NPC1: variants seen among roughly 807,000 people sequenced by gnomAD.
NPC1 encodes Niemann-Pick C1 protein.
In NPC1, 85 loss-of-function variants were observed where a neutral mutation model predicts 140.4. The observed-to-expected ratio is 0.61, with a 90% confidence interval of 0.51 to 0.72. NPC1 has a LOEUF of 0.72. NPC1 is among the 30% of genes least tolerant of loss of function. The probability of loss-of-function intolerance (pLI) is 0.00; values close to 1 mark genes in which losing one functional copy is unlikely to be tolerated. For synonymous variants in NPC1, 656 were observed against 624.8 expected (o/e 1.05, Z -0.74); for missense variants, 1,504 against 1,623.8 (o/e 0.93, Z 1.27).
At chr18:23,539,139 G>A (rs2058675359) in intron 19 of NPC1, among the ~76,000 whole-genome samples, 1 of 152,170 alleles carries the variant, frequency 6.6e-6, no homozygotes, top group Non-Finnish European at 1.5e-5. Flanking sequence ...CCGAACATGT[G>A]GACCTTGTTC....
rs1267878757 is a variant in NPC1 at position 23,515,829 on chromosome 18, G to T, written c.432-9187C>A. On this transcript the variant is annotated intron_variant, in intron 3 of 3. Coordinates refer to the NPC1 transcript ENST00000591107. ...ATTAGTTTGCCGTTTTTTAAATGAA[G>T]ATCCTGTTTCTTAAACTCTGCTTCA... 4.3e-6 allele frequency: 7 copies of T among 1,613,246 alleles called. No homozygotes were observed. In the South Asian group the frequency reaches 6.6e-5, roughly 15 times the overall value.
chr18:23,549,511 T>C (rs1356828701), intron 10 of NPC1, among the ~76,000 whole-genome samples: 1 of 152,022 alleles, frequency 6.6e-6, no homozygotes, highest in Admixed American at 6.6e-5. Context: ...TGGTGATACA[T>C]GCCTGTAATC....
At chr18:23,584,005 C>G (rs544471356) in intron 1 of NPC1, among the ~76,000 whole-genome samples, 1 of 152,302 alleles carries the variant, frequency 6.6e-6, no homozygotes, top group African/African-American at 2.4e-5. Flanking sequence ...TCTACCCAGG[C>G]TTCTCTATGT....
chr18:23,577,913 T>C (rs1351427129), intron 1 of NPC1, among the ~76,000 whole-genome samples: 3 of 152,214 alleles, frequency 2.0e-5, no homozygotes, highest in Non-Finnish European at 2.9e-5. Context: ...CAGGGCTGGC[T>C]GGCTGCTCCG....
chr18:23,509,356 A>AATAT (rs10688887), intron 3 of NPC1: 26 of 428,542 alleles, frequency 6.1e-5, no homozygotes, highest in East Asian at 4.8e-4. Flanking sequence ...TTCAGTACTG[A>AATAT]ATATATATAT....
At chr18:23,579,808 C>T (rs1172581744) in intron 1 of NPC1, among the ~76,000 whole-genome samples, 1 of 151,952 alleles carries the variant, frequency 6.6e-6, no homozygotes, top group East Asian at 1.9e-4. Context: ...TGGCGTGAAC[C>T]CGGGAGGCGG....
intron 3 of NPC1, among the ~76,000 whole-genome samples, chr18:23,513,395 T>TA (rs1358160474): frequency 6.6e-6 from 1 of 152,260 alleles, no homozygotes; most frequent in Non-Finnish European, 1.5e-5. Context: ...TTAAGACTGA[T>TA]AATACCGCAC....
chr18:23,527,078 T>C (rs2058319260), downstream of NPC1, among the ~76,000 whole-genome samples: 1 of 152,062 alleles, frequency 6.6e-6, no homozygotes, highest in South Asian at 2.1e-4. Flanking sequence ...TGCATATGTG[T>C]CTTCTTTAAG....
intron 3 of NPC1, among the ~76,000 whole-genome samples, chr18:23,512,599 CTTT>C (rs761104196): frequency 2.1e-5 from 3 of 141,894 alleles, no homozygotes; most frequent in Non-Finnish European, 3.1e-5. Context: ...TTTTTTTTTC[CTTT>C]TTTTTTTTTT....
At chr18:23,529,772 T>G, downstream of NPC1, 1 of 1,495,600 alleles carries the variant, frequency 6.7e-7, no homozygotes, top group Non-Finnish European at 9.3e-7. Flanking sequence ...AAAAACACAG[T>G]CACTGTCTTA....
At chr18:23,575,769 C>CAAAAAAAAAAAAAAAAAAAAAAAAAAA (rs35922440) in intron 1 of NPC1, among the ~76,000 whole-genome samples, 2 of 35,082 alleles carry the variant, frequency 5.7e-5, no homozygotes, top group African/African-American at 8.5e-5. Flanking sequence ...CAGAGAAGAC[C>CAAAAAAAAAAAAAAAAAAAAAAAAAAA]AAAAAAAAAA....
chr18:23,527,448 T>C (rs140412235), downstream of NPC1, among the ~76,000 whole-genome samples: 1 of 151,934 alleles, frequency 6.6e-6, no homozygotes, highest in African/African-American at 2.4e-5. Context: ...TGTTGGTGTT[T>C]GTTTTTGTTT....
downstream of NPC1, chr18:23,530,322 G>C: frequency 6.2e-7 from 1 of 1,614,156 alleles, no homozygotes; most frequent in Middle Eastern, 1.6e-4. Context: ...TGAGGTTTTA[G>C]ACTATGGAAA....
intron 17 of NPC1, 61 bp from the exon 18 acceptor site, chr18:23,540,062 C>T (rs568585518): frequency 6.2e-6 from 9 of 1,449,308 alleles, no homozygotes; most frequent in South Asian, 2.3e-5. Context: ...CTAAGCAAGG[C>T]GAGGATCATG....
At chr18:23,516,764 C>A (rs1190855251) in intron 3 of NPC1, among the ~76,000 whole-genome samples, 1 of 147,070 alleles carries the variant, frequency 6.8e-6, no homozygotes, top group East Asian at 2.0e-4. Context: ...CTTGTTCTGT[C>A]CCCTAGGCTG....
At chr18:23,543,802 C>T (rs1260699859) in intron 13 of NPC1, among the ~76,000 whole-genome samples, 1 of 152,130 alleles carries the variant, frequency 6.6e-6, no homozygotes, top group Admixed American at 6.6e-5. Flanking sequence ...GCCACATTAT[C>T]AGGAAAACAC....
intron 11 of NPC1, among the ~76,000 whole-genome samples, chr18:23,547,449 C>T (rs1469903704): frequency 6.6e-6 from 1 of 152,102 alleles, no homozygotes; most frequent in Non-Finnish European, 1.5e-5. Flanking sequence ...TGTTAGAAAA[C>T]AATGCAGGTG....
chr18:23,580,536 A>G (rs2059344591), intron 1 of NPC1, among the ~76,000 whole-genome samples: 1 of 152,226 alleles, frequency 6.6e-6, no homozygotes, highest in South Asian at 2.1e-4. Context: ...GACAGTCCTC[A>G]ACCCCAGGGT....
At chr18:23,530,717 A>G, downstream of NPC1, 2 of 1,071,896 alleles carry the variant, frequency 1.9e-6, no homozygotes, top group South Asian at 1.6e-5. Flanking sequence ...TTTGTAAACA[A>G]CACAATTTGA....
Sources: allele counts gnomAD v4.1 joint callset (sites outside exome capture counted in the v4.1 genomes callset), GRCh38; gene constraint gnomAD v4.1.1; transcripts MANE v1.5; gene names NCBI Gene and HGNC (gene_info 2026-07-23, HGNC 2026-07-21).